Variants in DPF3 observed in about 807,000 individuals in gnomAD.
DPF3 encodes double PHD fingers 3, also known as zinc finger protein DPF3.
DPF3 carries 18 observed loss-of-function variants against 56.8 expected under a neutral mutation model. That is an observed-to-expected ratio of 0.32 (90% CI 0.22 to 0.47). The LOEUF (loss-of-function observed/expected upper bound fraction) is 0.47, where lower values mean the gene tolerates loss of function less well. DPF3 is among the 20% of genes least tolerant of loss of function. The pLI, the probability that DPF3 is intolerant of heterozygous loss-of-function variation, is 1.00. For synonymous variants in DPF3, 188 were observed against 180.2 expected (o/e 1.04, Z -0.35); for missense variants, 403 against 488.8 (o/e 0.82, Z 1.65).
intron 1 of DPF3, among the ~76,000 whole-genome samples, chr14:72,772,587 TAGAA>T (rs1891579306): frequency 1.3e-5 from 2 of 152,120 alleles, no homozygotes; most frequent in Admixed American, 6.6e-5. Context: ...AAAAAACAAA[TAGAA>T]AGACCTTTCT....
chr14:72,689,266 G>A (rs762098293), intron 7 of DPF3, among the ~76,000 whole-genome samples: 8 of 152,150 alleles, frequency 5.3e-5, no homozygotes, highest in Non-Finnish European at 1.0e-4. Context: ...ACTGCTGCAG[G>A]TGGTGCAAAC....
At chr14:72,879,682 C>A (rs1886252131) in intron 1 of DPF3, 2 of 1,260,638 alleles carry the variant, frequency 1.6e-6, no homozygotes, top group Non-Finnish European at 2.1e-6. Context: ...CCCAGAGGAG[C>A]CACAAGCAGT....
chr14:72,649,459 G>C (rs1885830783), intron 8 of DPF3, among the ~76,000 whole-genome samples: 1 of 152,126 alleles, frequency 6.6e-6, no homozygotes, highest in South Asian at 2.1e-4. Flanking sequence ...TGAGGACAGA[G>C]AGAAGCAACA....
At chr14:72,714,821 C>A (rs1416021312) in intron 5 of DPF3, among the ~76,000 whole-genome samples, 3 of 142,998 alleles carry the variant, frequency 2.1e-5, no homozygotes, top group African/African-American at 9.2e-5. Context: ...CTACTCAGGG[C>A]AGCTGTACTG....
chr14:72,882,980 G>A (rs1886376886), intron 1 of DPF3, among the ~76,000 whole-genome samples: 1 of 152,208 alleles, frequency 6.6e-6, no homozygotes, highest in African/African-American at 2.4e-5. Flanking sequence ...GGAGTCAGGT[G>A]GCTGTGCTGA....
At chr14:72,705,474 T>C (rs934461220) in intron 6 of DPF3, among the ~76,000 whole-genome samples, 1 of 152,122 alleles carries the variant, frequency 6.6e-6, no homozygotes, top group Admixed American at 6.5e-5. Context: ...AAGTGTAATG[T>C]GCTCAAATCA....
intron 1 of DPF3, among the ~76,000 whole-genome samples, chr14:72,865,604 G>C (rs1436026806): frequency 2.6e-5 from 4 of 152,200 alleles, no homozygotes. Flanking sequence ...GGAAGAAATG[G>C]AAAGGGTGAG....
In DPF3 at chr14:72,731,922, G is replaced by A. The variant is rs866537022; in HGVS notation, c.314C>T (p.Pro105Leu). ...TGAGGTGAACCCATCCTTCTTCAGG[G>A]GAAGCTCCACTTCTGAAAAACAAAG... is the stretch of plus-strand genomic sequence containing the variant. ...LLEIKPEVELPLKKDGFTSES... is the reference protein window; with the variant it reads ...LLEIKPEVELLLKKDGFTSES... Residue 105 changes from proline (P) to leucine (L), a missense_variant, in exon 4 of 11, where the codon CCC (proline) becomes CTC (leucine). By Grantham distance (98) the Pro-to-Leu change is moderately conservative (BLOSUM62 -3). Coordinates refer to ENST00000556509, the MANE Select transcript of DPF3 (RefSeq NM_001280542.3). 6.3e-7 allele frequency: 1 copy of A among 1,588,000 alleles called. No homozygotes were observed. Among genetic ancestry groups the A allele is most frequent in the South Asian group, 1.2e-5 (1 of 86,830 alleles).
chr14:72,631,330 G>A (rs1885158167), intron 8 of DPF3, among the ~76,000 whole-genome samples: 1 of 152,200 alleles, frequency 6.6e-6, no homozygotes, highest in African/African-American at 2.4e-5. Flanking sequence ...AGAAAAAGAA[G>A]CCTTACATTA....
At chr14:72,665,999 G>A (rs1395919808) in intron 8 of DPF3, among the ~76,000 whole-genome samples, 1 of 152,170 alleles carries the variant, frequency 6.6e-6, no homozygotes, top group Non-Finnish European at 1.5e-5. Context: ...TAATAATTCA[G>A]TTCTGACAGG....
At chr14:72,807,914 A>G (rs932777505) in intron 1 of DPF3, among the ~76,000 whole-genome samples, 5 of 152,158 alleles carry the variant, frequency 3.3e-5, no homozygotes, top group Admixed American at 3.3e-4. Flanking sequence ...GCAGTGAGTT[A>G]TGATCACGCC....
chr14:72,871,816 A>G (rs1259803334), intron 1 of DPF3, among the ~76,000 whole-genome samples: 1 of 152,156 alleles, frequency 6.6e-6, no homozygotes, highest in Non-Finnish European at 1.5e-5. Flanking sequence ...TAGTGGATCT[A>G]CCATTCTGGA....
intron 1 of DPF3, among the ~76,000 whole-genome samples, chr14:72,772,173 G>A (rs542381911): frequency 1.4e-4 from 22 of 152,348 alleles, no homozygotes; most frequent in African/African-American, 4.6e-4. Context: ...GTAAGAGAGA[G>A]CTGTCCATGT....
chr14:72,709,755 G>A (rs1406347276), intron 6 of DPF3, among the ~76,000 whole-genome samples: 2 of 151,778 alleles, frequency 1.3e-5, no homozygotes, highest in East Asian at 3.9e-4. Context: ...ACACCTCTCT[G>A]AGCCTCAGTT....
At chr14:72,794,392 T>C (rs185425977) in intron 1 of DPF3, among the ~76,000 whole-genome samples, 2 of 152,244 alleles carry the variant, frequency 1.3e-5, no homozygotes, top group East Asian at 1.9e-4. Context: ...AGAAGCAGAA[T>C]GCATGAAAAA....
At position 72,609,755 on chromosome 14, in the gene DPF3, C is replaced by T. The variant is rs1251035328; in HGVS notation, c.*9542G>A. Among the ~76,000 whole-genome samples the T allele has an allele frequency of 6.6e-6, 1 of 152,128 alleles. No individual in the cohort carries two copies. Among genetic ancestry groups the T allele is most frequent in the Non-Finnish European group, 1.5e-5 (1 of 68,022 alleles). On this transcript the variant is annotated 3_prime_UTR_variant, in exon 11 of 11. Coordinates refer to ENST00000556509, the MANE Select transcript of DPF3 (RefSeq NM_001280542.3). ...TTTTGTTTGTCTGTTGCTGTCGTTG[C>T]TTTTTAGAGAAGCCAGGGTGGGCCA...
At chr14:72,832,562 T>A (rs146407830) in intron 1 of DPF3, among the ~76,000 whole-genome samples, 1 of 151,972 alleles carries the variant, frequency 6.6e-6, no homozygotes, top group African/African-American at 2.4e-5. Context: ...CCTCTGTTGT[T>A]TTTGGTGCAA....
At chr14:72,704,561 G>A (rs1416408252) in intron 6 of DPF3, among the ~76,000 whole-genome samples, 1 of 152,110 alleles carries the variant, frequency 6.6e-6, no homozygotes, top group Non-Finnish European at 1.5e-5. Flanking sequence ...CACCTACAAT[G>A]TCAGTGTAAG....
At chr14:72,889,538 T>C (rs1264084812) in intron 1 of DPF3, among the ~76,000 whole-genome samples, 1 of 151,610 alleles carries the variant, frequency 6.6e-6, no homozygotes, top group Non-Finnish European at 1.5e-5. Flanking sequence ...CCTACCCACA[T>C]CCCCCCAACC....
Sources: allele counts gnomAD v4.1 joint callset (sites outside exome capture counted in the v4.1 genomes callset), GRCh38; gene constraint gnomAD v4.1.1; transcripts MANE v1.5; gene names NCBI Gene and HGNC (gene_info 2026-07-23, HGNC 2026-07-21).